The following CRHR2 variants were observed in gnomAD, a reference collection of about 807,000 sequenced individuals.
CRHR2 encodes corticotropin-releasing hormone receptor 2.
Under a neutral mutation model 57.9 loss-of-function variants are expected in CRHR2, and 53 were observed. That is an observed-to-expected ratio of 0.92 (90% CI 0.73 to 1.15). The LOEUF (loss-of-function observed/expected upper bound fraction) is 1.15. Ranked by LOEUF, CRHR2 falls within the 50% of genes most tolerant of loss-of-function variation. The pLI, the probability that CRHR2 is intolerant of heterozygous loss-of-function variation, is 0.00. For missense variants in CRHR2, 532 were observed against 542.6 expected (o/e 0.98, Z 0.19); for synonymous variants, 213 against 220.9 (o/e 0.96, Z 0.32).
In CRHR2 at chr7:30,655,946, A is replaced by G. The variant is rs775693590; in HGVS notation, c.898T>C (p.Ser300Pro). The G allele has an allele frequency of 6.3e-7, 1 of 1,587,060 alleles. No homozygotes were observed. The highest frequency in any genetic ancestry group is 1.1e-5 in the South Asian group (1 of 90,704). ...ACATACCTGTACTGGATTGTCTCGG[A>G]TGTGGTGGACGCGCGTAACTTTGTC... ...LMTKLRASTT[S>P]ETIQYRKAVK... The change falls in exon 9 of 12, where the codon TCC becomes CCC. Residue 300 changes from serine to proline, a missense_variant. Ser to Pro is a moderately conservative substitution (Grantham distance 74). Coordinates refer to ENST00000471646, the MANE Select transcript of CRHR2 (RefSeq NM_001883.5).
At chr7:30,674,685 T>G (rs6462219) in intron 2 of CRHR2, among the ~76,000 whole-genome samples, 133,532 of 152,168 alleles carry the variant, frequency 0.88, 59,076 homozygotes, top group African/African-American at 0.97. Flanking sequence ...GGCTTTTAGG[T>G]ACCAGACCTT....
intron 2 of CRHR2, among the ~76,000 whole-genome samples, chr7:30,679,142 GC>G (rs1376847257): frequency 1.3e-5 from 2 of 152,170 alleles, no homozygotes; most frequent in African/African-American, 2.4e-5. Flanking sequence ...CCTCTCCTGT[GC>G]CTATTACACT....
chr7:30,699,628 G>T, intron 1 of CRHR2: 1 of 213,534 alleles, frequency 4.7e-6, no homozygotes, highest in Non-Finnish European at 9.5e-6. Flanking sequence ...TGTCACCCCA[G>T]AACCCTCTGC....
chr7:30,667,721 A>G (rs915111890), intron 2 of CRHR2, among the ~76,000 whole-genome samples: 1 of 152,256 alleles, frequency 6.6e-6, no homozygotes, highest in African/African-American at 2.4e-5. Context: ...TTCCATTTTT[A>G]TAATAGCTAC....
rs900554679 is a variant in CRHR2, at chr7:30,656,169, G to A, written c.832-157C>T. Among the ~76,000 whole-genome samples the A allele has an allele frequency of 4.0e-5, 6 of 151,658 alleles. No individual in the cohort carries two copies. The highest frequency in any genetic ancestry group is 1.5e-4 in the African/African-American group (6 of 41,258). ...CCCTAGCACCTGCCAGCATCCCAAG[G>A]CCTGTGCTCCTCCCTCGCCAGGATG... On this transcript the variant is annotated intron_variant, in intron 8 of 11. Transcript: ENST00000471646. The surrounding 1 kb of genome is among the most constrained non-coding windows in gnomAD (Gnocchi z 4.4).
intron 2 of CRHR2, among the ~76,000 whole-genome samples, chr7:30,668,888 C>T (rs908952078): frequency 1.2e-4 from 19 of 152,216 alleles, no homozygotes; most frequent in African/African-American, 4.6e-4. Context: ...GCCTGCTCCC[C>T]ACCCCTAGCC....
At chr7:30,663,843 G>C (rs1167296791) in intron 5 of CRHR2, among the ~76,000 whole-genome samples, 3 of 152,200 alleles carry the variant, frequency 2.0e-5, no homozygotes, top group Non-Finnish European at 4.4e-5. Context: ...TCAAGGTCCG[G>C]GGAGCTGTGC....
chr7:30,686,052 T>C (rs1247573511), upstream of CRHR2, among the ~76,000 whole-genome samples: 1 of 152,016 alleles, frequency 6.6e-6, no homozygotes, highest in Non-Finnish European at 1.5e-5. Context: ...TTCATGATCA[T>C]CGTCCCCCAT....
intron 1 of CRHR2, 26 bp downstream of exon 1, chr7:30,682,152 C>T (rs1784736320): frequency 4.5e-6 from 7 of 1,543,158 alleles, no homozygotes; most frequent in African/African-American, 4.2e-5. Context: ...GCCCGCGCAG[C>T]CTCCGACCGC....
upstream of CRHR2, among the ~76,000 whole-genome samples, chr7:30,683,124 A>G (rs1014345711): frequency 3.3e-5 from 5 of 152,214 alleles, no homozygotes; most frequent in Admixed American, 6.5e-5. Flanking sequence ...GCCCAGAGGC[A>G]GGGATAACAT....
intron 2 of CRHR2, among the ~76,000 whole-genome samples, chr7:30,681,511 T>C (rs1784704026): frequency 1.3e-5 from 2 of 152,166 alleles, no homozygotes; most frequent in African/African-American, 4.8e-5. Context: ...GATTTGGGAC[T>C]TAGCATATCC....
At chr7:30,658,051 T>C (rs1238525101) in intron 8 of CRHR2, among the ~76,000 whole-genome samples, 1 of 152,224 alleles carries the variant, frequency 6.6e-6, no homozygotes, top group Non-Finnish European at 1.5e-5. Context: ...CATTTAGTTA[T>C]GTGGCCCCAC....
intron 2 of CRHR2, among the ~76,000 whole-genome samples, chr7:30,670,495 G>A (rs1784322667): frequency 6.6e-6 from 1 of 152,224 alleles, no homozygotes; most frequent in Non-Finnish European, 1.5e-5. Context: ...GGGAAAGCAG[G>A]TGGGATGCAG....
chr7:30,665,514 G>A lies in CRHR2; in HGVS notation c.425+16C>T, dbSNP rs374753551. On this transcript the variant is annotated intron_variant, in intron 4 of 11. Coordinates refer to ENST00000471646, the MANE Select transcript of CRHR2 (RefSeq NM_001883.5). The surrounding 1 kb of genome is among the most constrained non-coding windows in gnomAD (Gnocchi z 4.5). Reference sequence around the variant, plus strand: ...GGGAGGGATGAGGAGAAAGCAAGGCGGAAGGGCAGACTCACCGCAGGGCCA... The same window carrying A: ...GGGAGGGATGAGGAGAAAGCAAGGCAGAAGGGCAGACTCACCGCAGGGCCA... 24 of 1,548,996 alleles carry A rather than the reference G, an allele frequency of 1.5e-5. No homozygotes were observed. The highest frequency in any genetic ancestry group is 4.9e-5 in the East Asian group (2 of 41,042).
chr7:30,662,157 G>C lies in CRHR2; in HGVS notation c.757C>G (p.Gln253Glu), dbSNP rs1210658342. 1 of 1,613,960 alleles carries C rather than the reference G, an allele frequency of 6.2e-7. No individual in the cohort carries two copies. Among genetic ancestry groups the C allele is most frequent in the Non-Finnish European group, 8.5e-7 (1 of 1,179,952 alleles). Residue 253 changes from glutamine (Q) to glutamate (E), a missense_variant and splice_region_variant, in exon 7 of 12, where the codon CAG becomes GAG. Coordinates refer to ENST00000471646, the MANE Select transcript of CRHR2 (RefSeq NM_001883.5). ...AIGKLYYENE[Q>E]CWFGKEPGDL... ...CCCATGGCTGGCCCATCCACTTACTGTTCATTCTCATAGTAGAGCTTGCCG... is the reference window on the plus strand; with the variant it reads ...CCCATGGCTGGCCCATCCACTTACTCTTCATTCTCATAGTAGAGCTTGCCG...
chr7:30,655,896 C>T, intron 9 of CRHR2, 31 bp downstream of exon 9: 1 of 1,610,620 alleles, frequency 6.2e-7, no homozygotes, highest in South Asian at 1.1e-5. Flanking sequence ...CTCCTGTCCC[C>T]ATTGTGGGGT....
At chr7:30,699,895 TC>T in intron 1 of CRHR2, 1 of 1,425,566 alleles carries the variant, frequency 7.0e-7, no homozygotes, top group Non-Finnish European at 9.3e-7. Flanking sequence ...AGCTGGGAGC[TC>T]CGTGCTCCTG....
upstream of CRHR2, among the ~76,000 whole-genome samples, chr7:30,684,794 A>C (rs1784821774): frequency 6.6e-6 from 1 of 152,232 alleles, no homozygotes; most frequent in South Asian, 2.1e-4. Flanking sequence ...GAACAAATTG[A>C]TTTTACAGCT....
rs1038110342 is a variant in CRHR2 at position 30,665,110 on chromosome 7, A to G, written c.503T>C (p.Leu168Pro). ...CACTTCATGGTCAACGAGCTGCAGC[A>G]GGAACCACATGACATTTCGCAGGAT... is the stretch of plus-strand genomic sequence containing the variant. ...TFILRNVMWF[L>P]LQLVDHEVHE... Residue 168 changes from leucine to proline, a missense_variant, in exon 5 of 12, where the codon CTG becomes CCG. Transcript: ENST00000471646. The surrounding 1 kb of genome is among the most constrained non-coding windows in gnomAD (Gnocchi z 4.5). 5 of 1,614,008 alleles carry G rather than the reference A, an allele frequency of 3.1e-6. No homozygotes were observed. In the African/African-American group the frequency reaches 5.3e-5, roughly 17 times the overall value.
Sources: allele counts gnomAD v4.1 joint callset (sites outside exome capture counted in the v4.1 genomes callset), GRCh38; gene constraint gnomAD v4.1.1; non-coding constraint Gnocchi (gnomAD v3.1); transcripts MANE v1.5; gene names NCBI Gene and HGNC (gene_info 2026-07-23, HGNC 2026-07-21).